Variants in CACNA1H observed in about 807,000 individuals in gnomAD.
The protein encoded by CACNA1H is voltage-dependent T-type calcium channel subunit alpha-1H.
In CACNA1H, 149 loss-of-function variants were observed where a neutral mutation model predicts 192.5. The ratio of observed to expected loss-of-function variants is 0.77; its 90% CI spans 0.68 to 0.89. The LOEUF (loss-of-function observed/expected upper bound fraction) is 0.89. CACNA1H is among the 40% of genes least tolerant of loss of function. CACNA1H has a pLI of 0.00. For synonymous variants in CACNA1H, 2,202 were observed against 1,475.2 expected (o/e 1.49, Z -11.29); for missense variants, 4,257 against 3,423.5 (o/e 1.24, Z -6.08).
At chr16:1,216,506 C>T (rs577632152) in intron 30 of CACNA1H, among the ~76,000 whole-genome samples, 1 of 152,210 alleles carries the variant, frequency 6.6e-6, no homozygotes, top group African/African-American at 2.4e-5. Context: ...ACCCCTCAGT[C>T]AGCTGCGTGC....
chr16:1,192,441 C>G (rs544712743), intron 2 of CACNA1H, among the ~76,000 whole-genome samples: 1 of 152,382 alleles, frequency 6.6e-6, no homozygotes, highest in African/African-American at 2.4e-5. Flanking sequence ...GCTGGACAGT[C>G]TTAGAGATGG....
chr16:1,205,109 T>G lies in CACNA1H; in HGVS notation c.2452-5T>G, dbSNP rs1471116016. The G allele has an allele frequency of 4.3e-6, 7 of 1,609,858 alleles. No homozygotes were observed. The South Asian group carries it at 4.4e-5, about 10-fold the overall frequency. ...CTCCTGAACTGTCCCCACCTCTGCC[T>G]GCAGCCCGAGGAGCTGACTAATGCT... On this transcript the variant is annotated splice_polypyrimidine_tract_variant and splice_region_variant and intron_variant, in intron 10 of 34. Transcript: ENST00000348261.
At chr16:1,176,635 G>A (rs1014610962) in intron 2 of CACNA1H, among the ~76,000 whole-genome samples, 27 of 152,348 alleles carry the variant, frequency 1.8e-4, no homozygotes, top group East Asian at 1.4e-3. Flanking sequence ...GTCTGCACAG[G>A]CCCCGGGACC....
chr16:1,205,856 G>A (rs1968633271), intron 11 of CACNA1H, among the ~76,000 whole-genome samples: 1 of 152,212 alleles, frequency 6.6e-6, no homozygotes, highest in Non-Finnish European at 1.5e-5. Flanking sequence ...CCCTGCCCTG[G>A]CCAGAGCCAG....
intron 2 of CACNA1H, among the ~76,000 whole-genome samples, chr16:1,177,746 C>T (rs919616218): frequency 6.6e-5 from 10 of 151,778 alleles, no homozygotes; most frequent in Admixed American, 6.6e-4. Flanking sequence ...GTGCAGACGC[C>T]TGCTTCTGCC....
In CACNA1H at chr16:1,212,531, A is replaced by G. The variant is rs770831217; in HGVS notation, c.4777+3A>G. On this transcript the variant is annotated splice_donor_region_variant and intron_variant, in intron 26 of 34. Coordinates refer to ENST00000348261, the MANE Select transcript of CACNA1H (RefSeq NM_021098.3). Reference sequence around the variant, plus strand: ...TCCAGGCACTTTCCCCAGCCCAGGTACCGGCCCTGTCCCGCATGCCTCAGG... The same window carrying G: ...TCCAGGCACTTTCCCCAGCCCAGGTGCCGGCCCTGTCCCGCATGCCTCAGG... The G allele has an allele frequency of 2.8e-5, 45 of 1,610,468 alleles. No homozygotes were observed. Among genetic ancestry groups the G allele is most frequent in the Non-Finnish European group, 3.6e-5 (42 of 1,178,924 alleles).
In CACNA1H at chr16:1,210,101, G is replaced by A. The variant is rs1969248973; in HGVS notation, c.3811G>A (p.Ala1271Thr). The A allele has an allele frequency of 6.4e-7, 1 of 1,560,080 alleles. No individual in the cohort carries two copies. ...GCCCCAGTGGTGCCGGAGCCGCGAG[G>A]CCTGGGCCCTCTACCTCTTCTCCCC... is the stretch of plus-strand genomic sequence containing the variant. ...YKPQWCRSRE[A>T]WALYLFSPQN... Residue 1271 changes from alanine to threonine, a missense_variant, in exon 18 of 35, where the codon GCC becomes ACC. Coordinates refer to ENST00000348261, the MANE Select transcript of CACNA1H (RefSeq NM_021098.3).
rs77503670 is a variant in CACNA1H at position 1,193,195 on chromosome 16, C to T, written c.300-1777C>T. ...GTTTACCCAAGAAAACCCCTCCCCTCGGGAAATGATGGCCCTCAGAGATGC... is the reference window on the plus strand; with the variant it reads ...GTTTACCCAAGAAAACCCCTCCCCTTGGGAAATGATGGCCCTCAGAGATGC... On this transcript the variant is annotated intron_variant, in intron 2 of 34. Coordinates refer to ENST00000348261, the MANE Select transcript of CACNA1H (RefSeq NM_021098.3). Among the ~76,000 whole-genome samples the T allele has an allele frequency of 1.6e-4, 25 of 152,308 alleles. No homozygotes were observed. The East Asian group carries it at 2.3e-3, about 14-fold the overall frequency.
chr16:1,158,972 C>T (rs980337629), intron 2 of CACNA1H, among the ~76,000 whole-genome samples: 6 of 152,216 alleles, frequency 3.9e-5, no homozygotes, highest in Non-Finnish European at 5.9e-5. Flanking sequence ...TTTCACCGTC[C>T]GTCTGTCGCC....
Position 1,220,777 on chromosome 16 carries a change from TGGAC to T in CACNA1H, c.6848_6851del (p.Asp2283ValfsTer5). 2 of 1,612,602 alleles carry T rather than the reference TGGAC, an allele frequency of 1.2e-6. No homozygotes were observed. The highest frequency in any genetic ancestry group is 1.7e-6 in the Non-Finnish European group (2 of 1,179,774). ...GGGGTCCCCAGTGGAGACCCTTTCTTGGACGGTAGCCACAGTGTGACCCCAGAAT... is the reference window on the plus strand; with the variant it reads ...GGGGTCCCCAGTGGAGACCCTTTCTTGGTAGCCACAGTGTGACCCCAGAAT... On this transcript the variant is annotated frameshift_variant, in exon 35 of 35. Coordinates refer to ENST00000348261, the MANE Select transcript of CACNA1H (RefSeq NM_021098.3). LOFTEE classifies it low-confidence loss of function (END_TRUNC).
At chr16:1,184,144 T>A (rs1965749177) in intron 2 of CACNA1H, among the ~76,000 whole-genome samples, 1 of 152,182 alleles carries the variant, frequency 6.6e-6, no homozygotes, top group African/African-American at 2.4e-5. Flanking sequence ...AGGGCATCAC[T>A]CCTGCCCACA....
rs753159318 is a variant in CACNA1H, at chr16:1,208,196, C to T, written c.3338C>T (p.Pro1113Leu). Reference protein sequence around the residue: ...SRRGSSSSGDPPLGDQKPPAS... With the variant: ...SRRGSSSSGDLPLGDQKPPAS... The stretch of plus-strand genomic sequence containing the variant: ...CGTGGCAGCAGCAGCTCCGGGGACC[C>T]GCCACTGGGAGACCAGAAGCCTCCG... The change falls in exon 16 of 35, where the codon CCG becomes CTG. Residue 1113 changes from proline (P) to leucine (L), a missense_variant. Transcript: ENST00000348261. 37 of 1,564,042 alleles carry T rather than the reference C, an allele frequency of 2.4e-5. No individual in the cohort carries two copies. Among genetic ancestry groups the T allele is most frequent in the East Asian group, 9.6e-5 (4 of 41,820 alleles).
intron 22 of CACNA1H, 58 bp downstream of exon 22, chr16:1,211,352 C>T (rs1313443005): frequency 1.2e-6 from 2 of 1,608,762 alleles, no homozygotes; most frequent in Non-Finnish European, 1.7e-6. Flanking sequence ...TCTGCCTTCC[C>T]AGCGTGGCTC....
chr16:1,164,800 G>A lies in CACNA1H; in HGVS notation c.299+10764G>A, dbSNP rs75297214. ...TGCTGCCCTCACTGGCCGGGCTCCG[G>A]ATATGCTGCTTGGGGTGGAGGGCGG... On this transcript the variant is annotated intron_variant, in intron 2 of 34. Transcript: ENST00000348261. Among the ~76,000 whole-genome samples the A allele has an allele frequency of 1.5e-3, 233 of 152,350 alleles. 1 individual carries two copies. The highest frequency in any genetic ancestry group is 5.4e-3 in the African/African-American group (223 of 41,580).
At position 1,198,783 on chromosome 16, in the gene CACNA1H, G is replaced by T. The variant is rs1567502713; in HGVS notation, c.803+9G>T. ...GACAGTGCCTTTGTCAGGTGCCCAGGCCCCACCCCCGTGAGGCCCCTGCCC... is the reference window on the plus strand; with the variant it reads ...GACAGTGCCTTTGTCAGGTGCCCAGTCCCCACCCCCGTGAGGCCCCTGCCC... On this transcript the variant is annotated intron_variant, in intron 6 of 34. Transcript: ENST00000348261. 1.2e-6 allele frequency: 2 copies of T among 1,606,456 alleles called. No individual in the cohort carries two copies. Among genetic ancestry groups the T allele is most frequent in the Non-Finnish European group, 8.5e-7 (1 of 1,177,438 alleles).
chr16:1,162,437 G>A (rs1192384277), intron 2 of CACNA1H, among the ~76,000 whole-genome samples: 6 of 152,218 alleles, frequency 3.9e-5, no homozygotes, highest in Non-Finnish European at 8.8e-5. Flanking sequence ...ACAGGAGTCA[G>A]CCCCTTTCAG....
chr16:1,153,520 A>G (rs1961846238), intron 1 of CACNA1H, 50 bp downstream of exon 1: 1 of 254,600 alleles, frequency 3.9e-6, no homozygotes, highest in Non-Finnish European at 6.6e-6. Flanking sequence ...ACTTGCGCGA[A>G]GCGGGCCGGG....
At chr16:1,213,577 C>G (rs896453135) in intron 26 of CACNA1H, among the ~76,000 whole-genome samples, 2 of 152,086 alleles carry the variant, frequency 1.3e-5, no homozygotes, top group Non-Finnish European at 2.9e-5. Flanking sequence ...TCACCTAGAA[C>G]AGGGTCCTTT....
chr16:1,156,471 A>G (rs1962408007), intron 2 of CACNA1H, among the ~76,000 whole-genome samples: 1 of 152,172 alleles, frequency 6.6e-6, no homozygotes, highest in African/African-American at 2.4e-5. Context: ...CATGTGGGCC[A>G]TGGCTGAGGC....
Sources: gnomAD v4.1 joint callset for allele counts (sites outside exome capture counted in the v4.1 genomes callset) on GRCh38, gnomAD v4.1.1 for gene constraint, MANE v1.5 for transcripts, NCBI Gene and HGNC (gene_info 2026-07-23, HGNC 2026-07-21) for gene names.